NEDD4L: variants seen among roughly 807,000 people sequenced by gnomAD.
NEDD4L encodes E3 ubiquitin-protein ligase NEDD4-like.
Under a neutral mutation model 148.9 loss-of-function variants are expected in NEDD4L, and 54 were observed. The ratio of observed to expected loss-of-function variants is 0.36; its 90% confidence interval spans 0.29 to 0.45. NEDD4L has a LOEUF of 0.45. Ranked by LOEUF, NEDD4L falls within the 20% of genes least tolerant of loss-of-function variation. The pLI is 1.00. For synonymous variants in NEDD4L, 433 were observed against 440.7 expected (o/e 0.98, Z 0.22); for missense variants, 856 against 1,233.8 (o/e 0.69, Z 4.59).
chr18:58,335,578 T>TCCC (rs1343305452), intron 13 of NEDD4L, 41 bp downstream of exon 13: 8 of 1,484,896 alleles, frequency 5.4e-6, no homozygotes, highest in Non-Finnish European at 7.5e-6. Flanking sequence ...CAAGAGGCCG[T>TCCC]GAGGCAGTTT....
chr18:58,044,761 G>C (rs1357410087), intron 1 of NEDD4L, 53 bp downstream of exon 1: 1 of 1,583,838 alleles, frequency 6.3e-7, no homozygotes. Flanking sequence ...CCTATCCCGC[G>C]CCGGCAGGGG....
At chr18:58,202,549 G>A (rs1028452564) in intron 2 of NEDD4L, among the ~76,000 whole-genome samples, 2 of 152,256 alleles carry the variant, frequency 1.3e-5, no homozygotes, top group African/African-American at 2.4e-5. Flanking sequence ...TGCAACAGCG[G>A]TTTGCAAACA....
chr18:58,075,159 C>T (rs1398512665), intron 1 of NEDD4L, among the ~76,000 whole-genome samples: 8 of 152,146 alleles, frequency 5.3e-5, no homozygotes, highest in South Asian at 2.1e-4. Context: ...AGAGACTTCT[C>T]GTCCTAGAGA....
chr18:58,329,076 C>T lies in NEDD4L; in HGVS notation c.762C>T (p.His254=), dbSNP rs1804733549. The part of the protein sequence containing the change: ...AAHRRFRSRR[H]ISEDLEPEPS... ...ACCGGCGCTTCCGCTCCCGCAGGCA[C>T]ATCAGCGAAGACTTGGAGCCCGAGC... Residue 254 remains histidine (H), a synonymous_variant, in exon 10 of 31, where the codon CAC becomes CAT. Coordinates refer to ENST00000400345, the MANE Select transcript of NEDD4L (RefSeq NM_001144967.3). 6.2e-7 allele frequency: 1 copy of T among 1,613,944 alleles called. No homozygotes were observed. Among genetic ancestry groups the T allele is most frequent in the African/African-American group, 1.3e-5 (1 of 74,956 alleles).
intron 2 of NEDD4L, among the ~76,000 whole-genome samples, chr18:58,225,199 C>T (rs1194109040): frequency 1.3e-5 from 2 of 152,198 alleles, no homozygotes; most frequent in Non-Finnish European, 2.9e-5. Flanking sequence ...TGTGGAACTG[C>T]AGGTCCCTGG....
intron 1 of NEDD4L, among the ~76,000 whole-genome samples, chr18:58,098,528 C>T (rs546409699): frequency 6.6e-6 from 1 of 152,284 alleles, no homozygotes; most frequent in South Asian, 2.1e-4. Flanking sequence ...CCTTGCTTGG[C>T]CATCTTCCAG....
At chr18:58,214,048 T>C (rs1288805795) in intron 2 of NEDD4L, among the ~76,000 whole-genome samples, 2 of 152,198 alleles carry the variant, frequency 1.3e-5, no homozygotes. Flanking sequence ...CCCTGCTTGC[T>C]CTCTTGAGCT....
intron 1 of NEDD4L, chr18:58,047,621 G>A (rs2081648200): frequency 3.7e-6 from 2 of 539,470 alleles, no homozygotes; most frequent in Non-Finnish European, 2.4e-6. Context: ...TATTTACCCT[G>A]ATTTAAGTCA....
intron 5 of NEDD4L, among the ~76,000 whole-genome samples, chr18:58,312,109 G>T (rs927491601): frequency 6.6e-5 from 10 of 152,194 alleles, no homozygotes; most frequent in African/African-American, 2.4e-4. Context: ...ATCGGAATAT[G>T]AATTTTTGTT....
chr18:58,068,084 T>C (rs1298431810), intron 1 of NEDD4L, among the ~76,000 whole-genome samples: 1 of 152,070 alleles, frequency 6.6e-6, no homozygotes, highest in Non-Finnish European at 1.5e-5. Flanking sequence ...CTCAGCCTCC[T>C]GAGTAGCTGG....
At chr18:58,277,240 G>A (rs2052249434) in intron 5 of NEDD4L, among the ~76,000 whole-genome samples, 1 of 76,356 alleles carries the variant, frequency 1.3e-5, no homozygotes, top group Admixed American at 1.5e-4. Context: ...GGGGCACAAT[G>A]GAGAAGAGAA....
At chr18:58,108,578 G>A (rs1208358024) in intron 1 of NEDD4L, among the ~76,000 whole-genome samples, 1 of 151,984 alleles carries the variant, frequency 6.6e-6, no homozygotes, top group Non-Finnish European at 1.5e-5. Context: ...CCGCCACCAC[G>A]CCCAGCTAAT....
intron 1 of NEDD4L, among the ~76,000 whole-genome samples, chr18:58,118,891 C>T (rs1326086942): frequency 1.3e-5 from 2 of 152,072 alleles, no homozygotes; most frequent in South Asian, 4.1e-4. Flanking sequence ...CTCTTCAGCC[C>T]CCCAAGCGGA....
chr18:58,246,422 T>C lies in NEDD4L; in HGVS notation c.204+914T>C, dbSNP rs141398161. On this transcript the variant is annotated intron_variant, in intron 3 of 30. Transcript: ENST00000400345. ...CTTATTTTCCTAATTTTTATGTACA[T>C]GATTTCATTAAAAATTTGTTTCCAT... Among the ~76,000 whole-genome samples, 1,488 of 152,318 alleles carry C rather than the reference T, an allele frequency of 9.8e-3. 22 individuals carry two copies. The highest frequency in any genetic ancestry group is 0.034 in the African/African-American group (1,426 of 41,564).
chr18:58,218,822 A>G (rs2043423271), intron 2 of NEDD4L, among the ~76,000 whole-genome samples: 1 of 152,174 alleles, frequency 6.6e-6, no homozygotes, highest in African/African-American at 2.4e-5. Flanking sequence ...TTTTCACTAT[A>G]GCCTGGTGAT....
At chr18:58,196,253 G>A (rs1197586312) in intron 2 of NEDD4L, among the ~76,000 whole-genome samples, 3 of 152,206 alleles carry the variant, frequency 2.0e-5, no homozygotes, top group East Asian at 3.8e-4. Flanking sequence ...CATAGCTAAT[G>A]CAATCAGCCA....
chr18:58,254,131 T>A (rs1488250253), intron 5 of NEDD4L, among the ~76,000 whole-genome samples: 3 of 152,194 alleles, frequency 2.0e-5, no homozygotes, highest in African/African-American at 7.2e-5. Flanking sequence ...ACACATACTT[T>A]TAGAAAACAG....
intron 1 of NEDD4L, among the ~76,000 whole-genome samples, chr18:58,052,675 C>T (rs2081929371): frequency 1.3e-5 from 2 of 150,240 alleles, no homozygotes; most frequent in Admixed American, 6.7e-5. Context: ...GTTTAAAAAG[C>T]TATGATGTGG....
chr18:58,226,572 A>G (rs773086136), intron 2 of NEDD4L, among the ~76,000 whole-genome samples: 1 of 152,186 alleles, frequency 6.6e-6, no homozygotes, highest in Non-Finnish European at 1.5e-5. Flanking sequence ...TAAATTTCTT[A>G]AAGCTTTTCT....
Sources: gnomAD v4.1 joint callset for allele counts (sites outside exome capture counted in the v4.1 genomes callset) on GRCh38, gnomAD v4.1.1 for gene constraint, MANE v1.5 for transcripts, NCBI Gene and HGNC (gene_info 2026-07-23, HGNC 2026-07-21) for gene names.